DGUOK: variants seen among roughly 807,000 people sequenced by gnomAD.
DGUOK encodes deoxyguanosine kinase.
A neutral mutation model predicts 36.6 loss-of-function variants in DGUOK; 30 were observed. That is an observed-to-expected ratio of 0.82 (90% CI 0.61 to 1.11). The LOEUF is 1.11. Among genes scored for constraint, DGUOK ranks in the 50% most tolerant of loss-of-function variants. The probability of loss-of-function intolerance (pLI) is 0.00; values close to 1 mark genes in which losing one functional copy is unlikely to be tolerated. For synonymous variants in DGUOK, 145 were observed against 126.3 expected (o/e 1.15, Z -0.99); for missense variants, 361 against 336.4 (o/e 1.07, Z -0.57).
At chr2:73,940,428 T>C (rs74739384) in intron 2 of DGUOK, among the ~76,000 whole-genome samples, 8,072 of 152,288 alleles carry the variant, frequency 0.053, 605 homozygotes, top group African/African-American at 0.17. Context: ...CCCAGAATTG[T>C]GTTACCTTTT....
chr2:73,950,631 A>G lies in DGUOK; in HGVS notation c.490A>G (p.Ile164Val). The G allele has an allele frequency of 6.2e-7, 1 of 1,614,196 alleles. No individual in the cohort carries two copies. The highest frequency in any genetic ancestry group is 8.5e-7 in the Non-Finnish European group (1 of 1,180,042). ...NLFENGSLSD[I>V]EWHIYQDWHS... The stretch of plus-strand genomic sequence containing the variant: ...TTTTGAAAATGGTTCCCTCAGTGAC[A>G]TCGAGTGGCATATCTATCAGGACTG... The change falls in exon 4 of 7, where the codon ATC becomes GTC. Residue 164 changes from isoleucine to valine, a missense_variant. Physicochemically the swap from Ile to Val is conservative, Grantham distance 29. Transcript: ENST00000264093.
intron 2 of DGUOK, 60 bp downstream of exon 2, chr2:73,939,082 A>C: frequency 8.7e-7 from 1 of 1,155,962 alleles, no homozygotes. Flanking sequence ...AATTGTCATA[A>C]TTTAATTTAC....
At chr2:73,945,624 C>T (rs557998947) in intron 2 of DGUOK, among the ~76,000 whole-genome samples, 4 of 152,302 alleles carry the variant, frequency 2.6e-5, no homozygotes, top group African/African-American at 4.8e-5. Flanking sequence ...TATACCCTTA[C>T]GGTACCCTGC....
chr2:73,945,882 T>A (rs1412899373), intron 2 of DGUOK, among the ~76,000 whole-genome samples: 1 of 151,806 alleles, frequency 6.6e-6, no homozygotes, highest in Non-Finnish European at 1.5e-5. Context: ...AATTAGCTTG[T>A]CGTGGTGGCG....
intron 1 of DGUOK, among the ~76,000 whole-genome samples, chr2:73,935,838 A>G (rs77774027): frequency 0.012 from 1,797 of 152,316 alleles, 22 homozygotes; most frequent in Non-Finnish European, 0.017. Flanking sequence ...TGTTCCAGTC[A>G]TTGGAACTGT....
intron 4 of DGUOK, among the ~76,000 whole-genome samples, chr2:73,953,688 C>G (rs374610844): frequency 4.8e-5 from 7 of 145,670 alleles, no homozygotes; most frequent in Admixed American, 1.4e-4. Flanking sequence ...GTAGGTCCTT[C>G]TGCTCCTTTC....
intron 4 of DGUOK, among the ~76,000 whole-genome samples, chr2:73,956,789 T>C (rs1683128030): frequency 6.6e-6 from 1 of 152,126 alleles, no homozygotes; most frequent in African/African-American, 2.4e-5. Context: ...GGAGAGAACA[T>C]TCTAGAGAGA....
In DGUOK at chr2:73,957,550, T is replaced by C. The variant is rs4077241; in HGVS notation, c.707+310T>C. 0.092 allele frequency among the ~76,000 whole-genome samples: 13,952 copies of C among 152,128 alleles called. 913 individuals carry two copies. The highest frequency in any genetic ancestry group is 0.19 in the African/African-American group (7,740 of 41,454). On this transcript the variant is annotated intron_variant, in intron 5 of 6. Transcript: ENST00000264093. ...TTAGCCAGGTGTGGTGTCAGGCGCC[T>C]GTAATACCAGCTACTCGGGAGGCTG...
At chr2:73,930,782 C>CTTTTTTTTTTTTTTTTTTTTTTTTTT (rs1020072202) in intron 1 of DGUOK, among the ~76,000 whole-genome samples, 1 of 95,476 alleles carries the variant, frequency 1.0e-5, no homozygotes, top group African/African-American at 3.7e-5. Context: ...ACATAATTTT[C>CTTTTTTTTTTTTTTTTTTTTTTTTTT]TTTTTTTTTT....
chr2:73,946,145 T>C (rs927906249), intron 2 of DGUOK, among the ~76,000 whole-genome samples: 2 of 152,210 alleles, frequency 1.3e-5, no homozygotes, highest in Non-Finnish European at 2.9e-5. Flanking sequence ...TTAATTATGT[T>C]TCATAAAGTC....
chr2:73,950,761 T>C lies in DGUOK; in HGVS notation c.591+29T>C, dbSNP rs112554284. 9.9e-6 allele frequency: 16 copies of C among 1,613,854 alleles called. No homozygotes were observed. In the African/African-American group the frequency reaches 1.9e-4, roughly 19 times the overall value. On this transcript the variant is annotated intron_variant, in intron 4 of 6. Coordinates refer to ENST00000264093, the MANE Select transcript of DGUOK (RefSeq NM_080916.3). The stretch of plus-strand genomic sequence containing the variant: ...ACACTGAACCTACAACCTTAGACTT[T>C]AGGGCCATATGAAACCTAAGAAGTG...
At chr2:73,949,600 T>C (rs1183327471) in intron 3 of DGUOK, among the ~76,000 whole-genome samples, 1 of 152,196 alleles carries the variant, frequency 6.6e-6, no homozygotes, top group Non-Finnish European at 1.5e-5. Context: ...CCTGAAATGT[T>C]ATTCTGGAAG....
chr2:73,939,075 T>A, intron 2 of DGUOK, 53 bp downstream of exon 2: 2 of 1,193,404 alleles, frequency 1.7e-6, no homozygotes, highest in Non-Finnish European at 2.5e-6. Context: ...ATAATCTAAT[T>A]GTCATAATTT....
intron 1 of DGUOK, among the ~76,000 whole-genome samples, chr2:73,936,965 T>C (rs972558358): frequency 5.3e-5 from 8 of 151,868 alleles, no homozygotes; most frequent in Non-Finnish European, 8.8e-5. Flanking sequence ...TGAGTAAGAG[T>C]TGGTCAGGTG....
At chr2:73,957,057 C>T (rs982730349) in intron 4 of DGUOK, 68 bp from the exon 5 acceptor site, 6 of 1,084,284 alleles carry the variant, frequency 5.5e-6, no homozygotes, top group Non-Finnish European at 7.1e-6. Flanking sequence ...GCCTCAGAGC[C>T]CCCGAAGACT....
chr2:73,926,899 A>C lies in DGUOK; in HGVS notation c.-12A>C, dbSNP rs1283685779. 7 of 1,613,240 alleles carry C rather than the reference A, an allele frequency of 4.3e-6. No homozygotes were observed. The highest frequency in any genetic ancestry group is 1.1e-5 in the South Asian group (1 of 91,084). ...CTCGGCGGAAGTGATCGCTGTGTGA[A>C]TCGTGGGTGGGATGGCCGCGGGCCG... On this transcript the variant is annotated 5_prime_UTR_variant, in exon 1 of 7. Transcript: ENST00000264093.
At chr2:73,943,914 C>T (rs1430397473) in intron 2 of DGUOK, among the ~76,000 whole-genome samples, 5 of 151,732 alleles carry the variant, frequency 3.3e-5, no homozygotes, top group South Asian at 4.2e-4. Flanking sequence ...CCCAAAGTGC[C>T]GGGATTACAG....
chr2:73,952,490 G>T (rs1005017236), intron 4 of DGUOK, among the ~76,000 whole-genome samples: 7 of 152,240 alleles, frequency 4.6e-5, no homozygotes, highest in Non-Finnish European at 8.8e-5. Flanking sequence ...GGGCCAAAGA[G>T]GAGTGAGAGT....
rs758503693 is a variant in DGUOK, at chr2:73,958,700, C to T, written c.808-10C>T. 2.5e-6 allele frequency: 4 copies of T among 1,609,694 alleles called. No individual in the cohort carries two copies. The highest frequency in any genetic ancestry group is 2.2e-5 in the East Asian group (1 of 44,874). ...GTGAAATTAAACTTCTGATTTTCTCCTTCCCACAGGTAAACACCTTTGTAA... is the reference window on the plus strand; with the variant it reads ...GTGAAATTAAACTTCTGATTTTCTCTTTCCCACAGGTAAACACCTTTGTAA... On this transcript the variant is annotated splice_polypyrimidine_tract_variant and intron_variant, in intron 6 of 6. Transcript: ENST00000264093.
Sources: allele counts gnomAD v4.1 joint callset (sites outside exome capture counted in the v4.1 genomes callset), GRCh38; gene constraint gnomAD v4.1.1; transcripts MANE v1.5; gene names NCBI Gene and HGNC (gene_info 2026-07-23, HGNC 2026-07-21).